The following TMEM74 variants were observed in gnomAD, a reference collection of about 807,000 sequenced individuals.
TMEM74 encodes the protein transmembrane protein 74.
A neutral mutation model predicts 18.1 loss-of-function variants in TMEM74; 13 were observed. The ratio of observed to expected loss-of-function variants is 0.72; its 90% CI spans 0.47 to 1.14. TMEM74 has a LOEUF of 1.14. TMEM74 is among the 50% of genes most tolerant of loss of function. The probability of loss-of-function intolerance (pLI) is 0.00; values close to 1 mark genes in which losing one functional copy is unlikely to be tolerated. For missense variants in TMEM74, 372 were observed against 375.9 expected (o/e 0.99, Z 0.09); for synonymous variants, 159 against 146.6 (o/e 1.08, Z -0.61).
At chr8:108,622,247 C>G (rs937865634) in intron 2 of TMEM74, among the ~76,000 whole-genome samples, 1 of 152,072 alleles carries the variant, frequency 6.6e-6, no homozygotes, top group East Asian at 1.9e-4. Context: ...TGATGCATGA[C>G]AATGACCACT....
At chr8:108,611,474 A>G (rs973805408) in intron 2 of TMEM74, among the ~76,000 whole-genome samples, 12 of 152,216 alleles carry the variant, frequency 7.9e-5, no homozygotes, top group African/African-American at 2.4e-4. Context: ...TTCATATTAT[A>G]GAACCTTGGG....
chr8:108,749,967 C>A (rs1472237750), intron 1 of TMEM74, among the ~76,000 whole-genome samples: 1 of 152,104 alleles, frequency 6.6e-6, no homozygotes, highest in African/African-American at 2.4e-5. Context: ...CATGACCTCT[C>A]CTCTGCTCAG....
chr8:108,638,587 C>T (rs191834002), intron 2 of TMEM74, among the ~76,000 whole-genome samples: 75 of 149,454 alleles, frequency 5.0e-4, no homozygotes, highest in African/African-American at 1.6e-3. Flanking sequence ...AAAAGTTTAT[C>T]GGGAATAAGT....
intron 1 of TMEM74, among the ~76,000 whole-genome samples, chr8:108,742,681 A>C (rs1327511986): frequency 1.3e-5 from 2 of 152,222 alleles, no homozygotes; most frequent in Non-Finnish European, 2.9e-5. Flanking sequence ...TATAGTAGAA[A>C]GTGTTCTGGA....
chr8:108,738,197 G>C (rs993177355), intron 1 of TMEM74, among the ~76,000 whole-genome samples: 5 of 152,064 alleles, frequency 3.3e-5, no homozygotes, highest in Non-Finnish European at 5.9e-5. Flanking sequence ...CTTTATTGAT[G>C]TATCCAGTCC....
At chr8:108,786,032 C>T (rs1814380676) in intron 1 of TMEM74, among the ~76,000 whole-genome samples, 1 of 152,192 alleles carries the variant, frequency 6.6e-6, no homozygotes, top group South Asian at 2.1e-4. Context: ...TCCCTCTCTG[C>T]ATGCTTTGCT....
At position 108,651,007 on chromosome 8, in the gene TMEM74, C is replaced by G. The variant is rs114172416; in HGVS notation, n.264+4286G>C. ...ATTACAGGCGTGAGCCACCACACCT[C>G]GCTCACTGAGGCATTCTAATCACTT... On this transcript the variant is annotated intron_variant and non_coding_transcript_variant, in intron 2 of 3. Transcript: ENST00000518838. 8.1e-3 allele frequency among the ~76,000 whole-genome samples: 1,234 copies of G among 152,102 alleles called. 19 individuals carry two copies. Among genetic ancestry groups the G allele is most frequent in the African/African-American group, 0.026 (1,089 of 41,506 alleles).
chr8:108,719,388 T>C (rs1223935381), intron 1 of TMEM74, among the ~76,000 whole-genome samples: 1 of 152,174 alleles, frequency 6.6e-6, no homozygotes, highest in East Asian at 1.9e-4. Flanking sequence ...TAATACTTTA[T>C]TGGATCGATC....
chr8:108,752,846 T>C (rs1392553535), intron 1 of TMEM74, among the ~76,000 whole-genome samples: 1 of 152,144 alleles, frequency 6.6e-6, no homozygotes, highest in East Asian at 1.9e-4. Context: ...GTCTTAGAAA[T>C]GTCTTTCTTG....
At chr8:108,638,522 A>G (rs1812629017) in intron 2 of TMEM74, among the ~76,000 whole-genome samples, 1 of 151,914 alleles carries the variant, frequency 6.6e-6, no homozygotes, top group South Asian at 2.1e-4. Context: ...TCTAAGTAAC[A>G]AATTTTCAGT....
intron 1 of TMEM74, among the ~76,000 whole-genome samples, chr8:108,677,157 G>A (rs999819522): frequency 3.9e-5 from 6 of 152,262 alleles, no homozygotes; most frequent in East Asian, 3.9e-4. Context: ...AATTTGTGAC[G>A]TGAATACAGT....
At chr8:108,659,837 A>G (rs1338239197) in intron 1 of TMEM74, among the ~76,000 whole-genome samples, 1 of 151,900 alleles carries the variant, frequency 6.6e-6, no homozygotes, top group Non-Finnish European at 1.5e-5. Context: ...TCAGAGAGCC[A>G]TCTCACCTAA....
At position 108,756,695 on chromosome 8, in the gene TMEM74, A is replaced by AGAAAGAAAGAAAGAAG. The variant is rs1398631410; in HGVS notation, n.119+30780_119+30781insCTTCTTTCTTTCTTTC. Reference sequence around the variant, plus strand: ...AAGAAAGAAAGAAAGAAAGAAAGAAAGAAGGAAGGAAAGAAAGAAAGAAAG... The same window carrying AGAAAGAAAGAAAGAAG: ...AAGAAAGAAAGAAAGAAAGAAAGAAAGAAAGAAAGAAAGAAGGAAGGAAGGAAAGAAAGAAAGAAAG... On this transcript the variant is annotated intron_variant and non_coding_transcript_variant, in intron 1 of 3. Transcript: ENST00000518838. Among the ~76,000 whole-genome samples, 392 of 84,528 alleles carry AGAAAGAAAGAAAGAAG rather than the reference A, an allele frequency of 4.6e-3. 3 individuals are homozygous for AGAAAGAAAGAAAGAAG. Among genetic ancestry groups the AGAAAGAAAGAAAGAAG allele is most frequent in the East Asian group, 0.013 (31 of 2,304 alleles). 55.5% of individuals were successfully genotyped at this position (84,528 alleles called of 152,430 possible).
chr8:108,683,337 A>G (rs1237237433), intron 1 of TMEM74, among the ~76,000 whole-genome samples: 3 of 151,750 alleles, frequency 2.0e-5, no homozygotes, highest in Admixed American at 2.0e-4. Flanking sequence ...AATAAGAGGA[A>G]ACTATAGTTC....
intron 2 of TMEM74, among the ~76,000 whole-genome samples, chr8:108,647,336 A>G (rs1812729974): frequency 6.6e-6 from 1 of 152,190 alleles, no homozygotes; most frequent in African/African-American, 2.4e-5. Flanking sequence ...CTAGTTTGGC[A>G]AATCAGCATC....
chr8:108,736,082 A>C (rs1813746642), intron 1 of TMEM74, among the ~76,000 whole-genome samples: 1 of 152,020 alleles, frequency 6.6e-6, no homozygotes, highest in African/African-American at 2.4e-5. Context: ...GACATCATTG[A>C]AAAATCCCTA....
intron 2 of TMEM74, among the ~76,000 whole-genome samples, chr8:108,643,635 G>T (rs1812687679): frequency 6.6e-6 from 1 of 151,862 alleles, no homozygotes; most frequent in Non-Finnish European, 1.5e-5. Context: ...CAGCACTTTG[G>T]GAGGCTCAGG....
At chr8:108,743,696 A>C (rs1358466496) in intron 1 of TMEM74, among the ~76,000 whole-genome samples, 1 of 152,142 alleles carries the variant, frequency 6.6e-6, no homozygotes, top group East Asian at 1.9e-4. Flanking sequence ...AATCTTCTAG[A>C]GAATTTTGTC....
chr8:108,759,991 G>A (rs1246770627), intron 1 of TMEM74, among the ~76,000 whole-genome samples: 2 of 152,062 alleles, frequency 1.3e-5, no homozygotes, highest in African/African-American at 4.8e-5. Context: ...TGGCCAACAT[G>A]GTGAAACCCA....
Sources: gnomAD v4.1 joint callset for allele counts (sites outside exome capture counted in the v4.1 genomes callset) on GRCh38, gnomAD v4.1.1 for gene constraint, MANE v1.5 for transcripts, NCBI Gene and HGNC (gene_info 2026-07-23, HGNC 2026-07-21) for gene names.